Variants in KCNH8 observed in about 807,000 individuals in gnomAD.
KCNH8 encodes the protein voltage-gated delayed rectifier potassium channel KCNH8.
In KCNH8, 70 loss-of-function variants were observed where a neutral mutation model predicts 103.6. The ratio of observed to expected loss-of-function variants is 0.68; its 90% CI spans 0.56 to 0.82. KCNH8 has a LOEUF of 0.82. Ranked by LOEUF, KCNH8 falls within the 40% of genes least tolerant of loss-of-function variation. The probability of loss-of-function intolerance (pLI) is 0.00; values close to 1 mark genes in which losing one functional copy is unlikely to be tolerated. For missense variants in KCNH8, 1,217 were observed against 1,329.9 expected (o/e 0.92, Z 1.32); for synonymous variants, 498 against 489.4 (o/e 1.02, Z -0.23).
chr3:19,209,091 A>G (rs2063744282), intron 1 of KCNH8, among the ~76,000 whole-genome samples: 1 of 152,038 alleles, frequency 6.6e-6, no homozygotes, highest in South Asian at 2.1e-4. Flanking sequence ...TATTCATATT[A>G]TAATATTCAC....
chr3:19,409,510 C>T (rs1052378769), intron 7 of KCNH8, among the ~76,000 whole-genome samples: 1 of 152,102 alleles, frequency 6.6e-6, no homozygotes, highest in Non-Finnish European at 1.5e-5. Context: ...CAAAACCTCT[C>T]ATATCAATAT....
intron 7 of KCNH8, among the ~76,000 whole-genome samples, chr3:19,427,466 A>G (rs185781434): frequency 3.6e-4 from 55 of 152,310 alleles, no homozygotes; most frequent in Admixed American, 9.2e-4. Context: ...AGTTTATTCA[A>G]TATTTTTTAT....
At chr3:19,349,163 T>C (rs532033553) in intron 5 of KCNH8, among the ~76,000 whole-genome samples, 147 of 152,200 alleles carry the variant, frequency 9.7e-4, no homozygotes, top group Non-Finnish European at 1.6e-3. Context: ...GACGGCAATT[T>C]TATTTTTAAT....
intron 11 of KCNH8, among the ~76,000 whole-genome samples, chr3:19,477,011 G>T (rs916490322): frequency 6.6e-6 from 1 of 152,138 alleles, no homozygotes; most frequent in African/African-American, 2.4e-5. Context: ...TGAAGGGACT[G>T]AGAAAGAAAA....
At chr3:19,463,813 T>C (rs1465352523) in intron 11 of KCNH8, among the ~76,000 whole-genome samples, 1 of 152,100 alleles carries the variant, frequency 6.6e-6, no homozygotes, top group African/African-American at 2.4e-5. Flanking sequence ...CTGCTTATTG[T>C]GGACAAGAGT....
chr3:19,419,204 T>G (rs867562765), intron 7 of KCNH8, among the ~76,000 whole-genome samples: 1,542 of 139,392 alleles, frequency 0.011, 134 homozygotes, highest in African/African-American at 0.036. Context: ...GGTTTTTTTT[T>G]TTTTTTTTTT....
chr3:19,508,637 T>A (rs1378810080), intron 11 of KCNH8, among the ~76,000 whole-genome samples: 5 of 152,196 alleles, frequency 3.3e-5, no homozygotes, highest in Admixed American at 3.3e-4. Context: ...ATGTTGGTCA[T>A]GAGCTCTTAC....
rs2067255844 is a variant in KCNH8 at position 19,439,890 on chromosome 3, A to G, written c.1375+1529A>G. 2.0e-5 allele frequency among the ~76,000 whole-genome samples: 3 copies of G among 152,118 alleles called. No individual in the cohort carries two copies. In the East Asian group the frequency reaches 5.8e-4, roughly 29 times the overall value. ...TAATGAGTCATAAAGGATAAAAAGA[A>G]GGAAAGCAAAAGGAACTGAAGGGAA... On this transcript the variant is annotated intron_variant, in intron 8 of 15. Transcript: ENST00000328405.
At chr3:19,445,373 T>C (rs2067348242) in intron 8 of KCNH8, among the ~76,000 whole-genome samples, 1 of 151,882 alleles carries the variant, frequency 6.6e-6, no homozygotes, top group Non-Finnish European at 1.5e-5. Context: ...GATACTAATA[T>C]TTGGTTTATT....
intron 11 of KCNH8, among the ~76,000 whole-genome samples, chr3:19,489,328 C>T (rs770651007): frequency 2.0e-5 from 3 of 152,022 alleles, no homozygotes; most frequent in East Asian, 1.9e-4. Flanking sequence ...GTGGGTGGAG[C>T]GAGAACCTTC....
intron 1 of KCNH8, among the ~76,000 whole-genome samples, chr3:19,232,642 CTG>C (rs2064009508): frequency 6.6e-6 from 1 of 152,226 alleles, no homozygotes; most frequent in South Asian, 2.1e-4. Flanking sequence ...CACTGGCACA[CTG>C]TTTCCCGTTT....
chr3:19,179,912 A>T (rs529971179), intron 1 of KCNH8, among the ~76,000 whole-genome samples: 1 of 152,234 alleles, frequency 6.6e-6, no homozygotes, highest in African/African-American at 2.4e-5. Flanking sequence ...ACACCCTAGT[A>T]AAAGTATGAT....
intron 11 of KCNH8, among the ~76,000 whole-genome samples, chr3:19,496,206 C>A (rs1053189735): frequency 2.6e-5 from 4 of 152,136 alleles, no homozygotes; most frequent in African/African-American, 9.7e-5. Flanking sequence ...TGCCTTAGTA[C>A]CCTGGCCAAG....
intron 8 of KCNH8, 22 bp downstream of exon 8, chr3:19,438,383 T>C: frequency 1.3e-6 from 2 of 1,584,458 alleles, no homozygotes; most frequent in Non-Finnish European, 8.6e-7. Context: ...TCTTCTTTTA[T>C]ACTAAGAAGA....
chr3:19,321,988 CTGATA>C (rs2065356357), intron 3 of KCNH8, among the ~76,000 whole-genome samples: 1 of 151,396 alleles, frequency 6.6e-6, no homozygotes, highest in African/African-American at 2.4e-5. Context: ...GTTTTTTTGT[CTGATA>C]TAAGAATAGC....
chr3:19,386,811 T>C (rs2066363369), intron 5 of KCNH8, among the ~76,000 whole-genome samples: 1 of 152,142 alleles, frequency 6.6e-6, no homozygotes, highest in Non-Finnish European at 1.5e-5. Flanking sequence ...AATATTTAAA[T>C]AAATTCTGAT....
rs571570029 is a variant in KCNH8 at position 19,230,023 on chromosome 3, C to G, written c.77-23631C>G. On this transcript the variant is annotated intron_variant, in intron 1 of 15. Transcript: ENST00000328405. Reference sequence around the variant, plus strand: ...AGCTGGGGAGGCCTCAGAATCATGGCGAAGGTGAAAGGCTCTTCTTACATG... The same window carrying G: ...AGCTGGGGAGGCCTCAGAATCATGGGGAAGGTGAAAGGCTCTTCTTACATG... 8.5e-5 allele frequency among the ~76,000 whole-genome samples: 13 copies of G among 152,076 alleles called. No homozygotes were observed. The East Asian group carries it at 1.9e-3, about 23-fold the overall frequency.
chr3:19,356,399 C>T (rs1482689933), intron 5 of KCNH8, among the ~76,000 whole-genome samples: 2 of 151,754 alleles, frequency 1.3e-5, no homozygotes. Context: ...GTAGATTTAC[C>T]ATAAAGAAAG....
rs2066497437 is a variant in KCNH8, at chr3:19,395,228, T to A, written c.1094T>A (p.Leu365His). 1 of 1,609,288 alleles carries A rather than the reference T, an allele frequency of 6.2e-7. No homozygotes were observed. Among genetic ancestry groups the A allele is most frequent in the Non-Finnish European group, 8.5e-7 (1 of 1,177,962 alleles). Residue 365 changes from leucine to histidine, a missense_variant, in exon 7 of 16, where the codon CTC (leucine) becomes CAC (histidine). Physicochemically the swap from Leu to His is moderately conservative, Grantham distance 99. This residue lies in a region of KCNH8 where 415 missense variants were observed against 577.4 expected (regional missense o/e 0.72). Transcript: ENST00000328405. ...VLTLLMSMFA[L>H]LAHWMACIWY... The stretch of plus-strand genomic sequence containing the variant: ...ACTCTGCTCATGTCCATGTTTGCAC[T>A]CCTTGCACACTGGATGGCGTGTATC...
Sources: gnomAD v4.1 joint callset for allele counts (sites outside exome capture counted in the v4.1 genomes callset) on GRCh38, gnomAD v4.1.1 for gene constraint, gnomAD v4.1.1 regional missense constraint, MANE v1.5 for transcripts, NCBI Gene and HGNC (gene_info 2026-07-23, HGNC 2026-07-21) for gene names.